SYBU: variants seen among roughly 807,000 people sequenced by gnomAD.
SYBU encodes the protein GOLSYN A protein.
In SYBU, 21 loss-of-function variants were observed where a neutral mutation model predicts 35.9. The observed-to-expected ratio is 0.58, with a 90% CI of 0.41 to 0.84. The LOEUF (loss-of-function observed/expected upper bound fraction) is 0.84, where lower values mean the gene tolerates loss of function less well. SYBU is among the 40% of genes least tolerant of loss of function. The probability of loss-of-function intolerance (pLI) is 0.00; values close to 1 mark genes in which losing one functional copy is unlikely to be tolerated. For missense variants in SYBU, 768 were observed against 848.2 expected (o/e 0.91, Z 1.17); for synonymous variants, 319 against 324.3 (o/e 0.98, Z 0.18).
intron 1 of SYBU, among the ~76,000 whole-genome samples, chr8:109,658,813 G>T (rs902729474): frequency 6.6e-6 from 1 of 152,148 alleles, no homozygotes; most frequent in African/African-American, 2.4e-5. Context: ...AATTAGCTGG[G>T]CGTGGTGGCG....
chr8:109,658,101 CTGT>C (rs1208723354), intron 1 of SYBU, among the ~76,000 whole-genome samples: 1 of 152,158 alleles, frequency 6.6e-6, no homozygotes, highest in African/African-American at 2.4e-5. Context: ...CTTAAAGGTA[CTGT>C]AGCAAACACA....
chr8:109,635,799 C>T (rs1814162690), intron 2 of SYBU, among the ~76,000 whole-genome samples: 2 of 152,154 alleles, frequency 1.3e-5, no homozygotes, highest in African/African-American at 4.8e-5. Context: ...CTGTCCAACA[C>T]AGAAATAGGA....
At chr8:109,603,864 TG>T in intron 3 of SYBU, among the ~76,000 whole-genome samples, 1 of 152,332 alleles carries the variant, frequency 6.6e-6, no homozygotes, top group Admixed American at 6.5e-5. Flanking sequence ...GAATAGGATC[TG>T]GGAGGAGTGT....
intron 2 of SYBU, among the ~76,000 whole-genome samples, chr8:109,639,064 A>T (rs1814561738): frequency 6.6e-6 from 1 of 152,204 alleles, no homozygotes; most frequent in Admixed American, 6.5e-5. Context: ...TGCGGAGGGA[A>T]AACAGAAAGT....
intron 1 of SYBU, among the ~76,000 whole-genome samples, chr8:109,651,420 C>A (rs1460858126): frequency 8.3e-6 from 1 of 120,526 alleles, no homozygotes; most frequent in South Asian, 2.9e-4. Context: ...GACATGAATT[C>A]TTGAGTCTCA....
At chr8:109,606,932 G>A (rs564445400) in intron 3 of SYBU, among the ~76,000 whole-genome samples, 23 of 152,174 alleles carry the variant, frequency 1.5e-4, no homozygotes, top group Non-Finnish European at 2.9e-4. Flanking sequence ...TATGATTAAA[G>A]ATGAATTTCT....
chr8:109,600,915 C>G (rs1056858042), intron 3 of SYBU, among the ~76,000 whole-genome samples: 3 of 152,188 alleles, frequency 2.0e-5, no homozygotes, highest in Non-Finnish European at 4.4e-5. Flanking sequence ...ATAGCACAGT[C>G]CAGTACCCAC....
At chr8:109,603,873 T>C (rs2130104737) in intron 3 of SYBU, among the ~76,000 whole-genome samples, 1 of 152,108 alleles carries the variant, frequency 6.6e-6, no homozygotes, top group South Asian at 2.1e-4. Flanking sequence ...CTGGGAGGAG[T>C]GTGCAGGCAG....
rs537434279 is a variant in SYBU, at chr8:109,638,804, C to A, written c.229+3924G>T. Among the ~76,000 whole-genome samples, 7 of 152,190 alleles carry A rather than the reference C, an allele frequency of 4.6e-5. No individual in the cohort carries two copies. The East Asian group carries it at 1.4e-3, about 29-fold the overall frequency. On this transcript the variant is annotated intron_variant, in intron 2 of 6. Transcript: ENST00000276646. ...TGAAGACTAGAATGATGTCCAAGCACAAAAACACTCATGTGCTGATGAAAT... is the reference window on the plus strand; with the variant it reads ...TGAAGACTAGAATGATGTCCAAGCAAAAAAACACTCATGTGCTGATGAAAT...
intron 1 of SYBU, among the ~76,000 whole-genome samples, chr8:109,677,791 C>G (rs150379087): frequency 1.3e-5 from 2 of 152,242 alleles, no homozygotes; most frequent in East Asian, 3.9e-4. Flanking sequence ...GTCTCAGACA[C>G]AGAAATGTGA....
chr8:109,633,688 A>G (rs1160538553), intron 2 of SYBU, among the ~76,000 whole-genome samples: 1 of 151,654 alleles, frequency 6.6e-6, no homozygotes, highest in Non-Finnish European at 1.5e-5. Flanking sequence ...GTCAAATCAG[A>G]CTCCTGGGAA....
chr8:109,647,348 C>T (rs115086251), upstream of SYBU: 1,049 of 152,314 alleles, frequency 6.9e-3, 9 homozygotes, highest in African/African-American at 0.024. Flanking sequence ...GACTGCTGCA[C>T]CTGCCTCTGT....
chr8:109,661,120 G>C (rs1481062822), intron 1 of SYBU, among the ~76,000 whole-genome samples: 1 of 152,200 alleles, frequency 6.6e-6, no homozygotes, highest in Non-Finnish European at 1.5e-5. Flanking sequence ...ATTTTGGACA[G>C]AAGTGTGTGC....
At chr8:109,643,112 C>A (rs1815114296) in intron 1 of SYBU, 180 bp from the exon 2 acceptor site, 2 of 1,335,436 alleles carry the variant, frequency 1.5e-6, no homozygotes, top group Admixed American at 3.6e-5. Flanking sequence ...AATGAGTTAA[C>A]CTTTCTAATC....
chr8:109,579,891 G>A lies in SYBU; in HGVS notation c.642C>T (p.Ser214=), dbSNP rs370645620. 2 of 1,613,984 alleles carry A rather than the reference G, an allele frequency of 1.2e-6. No individual in the cohort carries two copies. Among genetic ancestry groups the A allele is most frequent in the Non-Finnish European group, 8.5e-7 (1 of 1,180,022 alleles). The part of the protein sequence containing the change: ...LLSMLCRNQL[S]PVNIHPSYAP... ...CATAACTGGGATGGATATTGACAGG[G>A]CTCAGCTGATTCCTGCACAGCATGG... is the stretch of plus-strand genomic sequence containing the variant. Residue 214 remains serine, a synonymous_variant, in exon 5 of 7, where the codon AGC becomes AGT. Coordinates refer to ENST00000276646, the MANE Select transcript of SYBU (RefSeq NM_001099754.2).
intron 1 of SYBU, chr8:109,680,290 C>A (rs931592198): frequency 6.6e-6 from 1 of 152,190 alleles, no homozygotes; most frequent in Non-Finnish European, 1.5e-5. Context: ...TGTCAACCTG[C>A]CAAGTGCAGG....
upstream of SYBU, among the ~76,000 whole-genome samples, chr8:109,685,458 C>T (rs1027612341): frequency 2.0e-5 from 3 of 152,186 alleles, no homozygotes; most frequent in African/African-American, 7.2e-5. Flanking sequence ...ACTTTTTGTG[C>T]ACTCACTATG....
At chr8:109,679,133 A>G (rs1218841276) in intron 1 of SYBU, among the ~76,000 whole-genome samples, 1 of 152,338 alleles carries the variant, frequency 6.6e-6, no homozygotes, top group East Asian at 1.9e-4. Flanking sequence ...ATTCATTAGC[A>G]TGTTAAAAGA....
chr8:109,668,165 GGAGAGAGAGAGAGA>G (rs60330422), intron 1 of SYBU, among the ~76,000 whole-genome samples: 19 of 88,990 alleles, frequency 2.1e-4, no homozygotes, highest in Non-Finnish European at 3.6e-4. Flanking sequence ...GGGGAGAGGG[GGAGAGAGAGAGAGA>G]GAGAGAGAGA....
Sources: allele counts gnomAD v4.1 joint callset (sites outside exome capture counted in the v4.1 genomes callset), GRCh38; gene constraint gnomAD v4.1.1; transcripts MANE v1.5; gene names NCBI Gene and HGNC (gene_info 2026-07-23, HGNC 2026-07-21).